Variants in SPPL3 observed in about 807,000 individuals in gnomAD.
The protein encoded by SPPL3 is signal peptide peptidase like 3.
Under a neutral mutation model 42.4 loss-of-function variants are expected in SPPL3, and 5 were observed. The ratio of observed to expected loss-of-function variants is 0.12; its 90% CI spans 0.06 to 0.25. The LOEUF (loss-of-function observed/expected upper bound fraction) is 0.25, where lower values mean the gene tolerates loss of function less well. Ranked by LOEUF, SPPL3 falls within the 10% of genes least tolerant of loss-of-function variation. The pLI, the probability that SPPL3 is intolerant of heterozygous loss-of-function variation, is 1.00. For missense variants in SPPL3, 235 were observed against 489.0 expected (o/e 0.48, Z 4.90); for synonymous variants, 195 against 181.8 (o/e 1.07, Z -0.58).
At chr12:120,861,792 T>C (rs1171339985) in intron 1 of SPPL3, among the ~76,000 whole-genome samples, 2 of 152,164 alleles carry the variant, frequency 1.3e-5, no homozygotes, top group Non-Finnish European at 2.9e-5. Flanking sequence ...TATTATGAAA[T>C]GATTTCTGAT....
chr12:120,779,442 A>G (rs1324586793), intron 6 of SPPL3, among the ~76,000 whole-genome samples: 2 of 152,210 alleles, frequency 1.3e-5, no homozygotes, highest in East Asian at 1.9e-4. Flanking sequence ...AATAGATGCA[A>G]TCCATACCTG....
At chr12:120,770,807 A>C (rs1354704125) in intron 6 of SPPL3, among the ~76,000 whole-genome samples, 1 of 152,042 alleles carries the variant, frequency 6.6e-6, no homozygotes, top group Non-Finnish European at 1.5e-5. Context: ...CACACATTTT[A>C]ATTTCCAGCC....
At chr12:120,801,206 A>G (rs534000046) in intron 2 of SPPL3, among the ~76,000 whole-genome samples, 2 of 152,334 alleles carry the variant, frequency 1.3e-5, no homozygotes, top group Non-Finnish European at 2.9e-5. Context: ...GAAGGTCAGA[A>G]AGAAACATAT....
chr12:120,867,596 C>T (rs1183981882), intron 1 of SPPL3, among the ~76,000 whole-genome samples: 1 of 151,458 alleles, frequency 6.6e-6, no homozygotes, highest in East Asian at 2.0e-4. Context: ...ACCCGGGAGG[C>T]GGAGGTTGCA....
At chr12:120,873,819 C>A (rs562958700) in intron 1 of SPPL3, among the ~76,000 whole-genome samples, 12 of 151,950 alleles carry the variant, frequency 7.9e-5, no homozygotes, top group Non-Finnish European at 1.6e-4. Context: ...TTGCAGTGAG[C>A]CAAGATCATG....
intron 1 of SPPL3, among the ~76,000 whole-genome samples, chr12:120,825,794 T>C (rs183531892): frequency 1.9e-4 from 29 of 152,150 alleles, no homozygotes; most frequent in Admixed American, 8.5e-4. Context: ...GTAGATAAAT[T>C]GGGCAGAAGA....
chr12:120,873,597 G>A (rs905056725), intron 1 of SPPL3, among the ~76,000 whole-genome samples: 5 of 152,060 alleles, frequency 3.3e-5, no homozygotes, highest in East Asian at 3.8e-4. Flanking sequence ...AAATGAGTCC[G>A]TGCACAGTGG....
intron 1 of SPPL3, among the ~76,000 whole-genome samples, 164 bp downstream of exon 1, chr12:120,903,681 C>T (rs892250121): frequency 5.3e-5 from 8 of 152,164 alleles, no homozygotes; most frequent in Non-Finnish European, 1.0e-4. Context: ...CCTCCGTGCG[C>T]GCCAGCCGCC....
chr12:120,863,914 G>C (rs115504191), intron 1 of SPPL3, among the ~76,000 whole-genome samples: 16 of 151,064 alleles, frequency 1.1e-4, no homozygotes, highest in African/African-American at 3.9e-4. Flanking sequence ...CTGGCCTCCA[G>C]CAATCCTCCC....
chr12:120,798,838 C>T (rs1446394803), intron 2 of SPPL3, among the ~76,000 whole-genome samples: 1 of 152,150 alleles, frequency 6.6e-6, no homozygotes, highest in African/African-American at 2.4e-5. Context: ...GGCATTATAT[C>T]GCTATTCTGG....
In SPPL3 at chr12:120,864,688, T is replaced by C. The variant is rs892253811; in HGVS notation, c.23+39157A>G. 3.3e-5 allele frequency among the ~76,000 whole-genome samples: 5 copies of C among 152,276 alleles called. No homozygotes were observed. In the East Asian group the frequency reaches 9.6e-4, roughly 29 times the overall value. On this transcript the variant is annotated intron_variant, in intron 1 of 10. Coordinates refer to ENST00000353487, the MANE Select transcript of SPPL3 (RefSeq NM_139015.5). Reference sequence around the variant, plus strand: ...TATTAGTTATTCTTAAAAGTAAAAATGTCCATGAAAAAAGATGGTTAGGTC... The same window carrying C: ...TATTAGTTATTCTTAAAAGTAAAAACGTCCATGAAAAAAGATGGTTAGGTC...
chr12:120,889,792 G>A (rs898890991), intron 1 of SPPL3, among the ~76,000 whole-genome samples: 2 of 123,000 alleles, frequency 1.6e-5, no homozygotes, highest in African/African-American at 5.0e-5. Flanking sequence ...ATTAAATAGT[G>A]ATTGTTATGA....
At chr12:120,845,166 G>A (rs1353072513) in intron 1 of SPPL3, 3 of 461,696 alleles carry the variant, frequency 6.5e-6, no homozygotes, top group South Asian at 1.8e-5. Context: ...AGAGCCCGTC[G>A]CCACTGGTGG....
chr12:120,900,620 T>G (rs112542972), intron 1 of SPPL3, among the ~76,000 whole-genome samples: 6,077 of 134,450 alleles, frequency 0.045, 174 homozygotes, highest in South Asian at 0.12. Context: ...AAAAGAGAGA[T>G]CAATTGCCGG....
intron 1 of SPPL3, among the ~76,000 whole-genome samples, chr12:120,891,243 T>C (rs996253489): frequency 6.6e-6 from 1 of 152,172 alleles, no homozygotes; most frequent in Non-Finnish European, 1.5e-5. Context: ...ACATCATCCT[T>C]AGGCCTGTGA....
intron 6 of SPPL3, among the ~76,000 whole-genome samples, chr12:120,773,081 C>T (rs1869180886): frequency 6.6e-6 from 1 of 152,160 alleles, no homozygotes. Flanking sequence ...TGACAAAGCT[C>T]AGAGCATTCA....
chr12:120,766,643 C>CT lies in SPPL3; in HGVS notation c.974-272dup, dbSNP rs1026262734. 2.5e-4 allele frequency among the ~76,000 whole-genome samples: 37 copies of CT among 147,262 alleles called. 1 individual carries two copies. Among genetic ancestry groups the CT allele is most frequent in the Non-Finnish European group, 1.4e-4 (9 of 65,250 alleles). On this transcript the variant is annotated intron_variant, in intron 9 of 10. Coordinates refer to ENST00000353487, the MANE Select transcript of SPPL3 (RefSeq NM_139015.5). ...CCTCCTTCCAGCTCCAAGTGTGCCT[C>CT]TGTCTCCTGTGATGCTGGACTTGGG...
intron 1 of SPPL3, among the ~76,000 whole-genome samples, chr12:120,821,094 TGAAA>T (rs761733670): frequency 2.6e-5 from 4 of 152,216 alleles, no homozygotes; most frequent in Non-Finnish European, 5.9e-5. Flanking sequence ...CAAATTCATA[TGAAA>T]GAAAGGTATT....
intron 1 of SPPL3, among the ~76,000 whole-genome samples, chr12:120,871,640 C>T (rs1359652934): frequency 1.3e-5 from 2 of 152,066 alleles, no homozygotes; most frequent in East Asian, 3.9e-4. Flanking sequence ...GTAATCCCAC[C>T]TACTCGGGCG....
Sources: allele counts gnomAD v4.1 joint callset (sites outside exome capture counted in the v4.1 genomes callset), GRCh38; gene constraint gnomAD v4.1.1; transcripts MANE v1.5; gene names NCBI Gene and HGNC (gene_info 2026-07-23, HGNC 2026-07-21).